Variants in MROH2B observed in about 807,000 individuals in gnomAD.
MROH2B encodes maestro heat-like repeat-containing protein family member 2B.
MROH2B carries 177 observed loss-of-function variants against 208.6 expected under a neutral mutation model. The observed-to-expected ratio is 0.85, with a 90% CI of 0.75 to 0.96. The LOEUF is 0.96. MROH2B is among the 40% of genes least tolerant of loss of function. The pLI is 0.00. For missense variants in MROH2B, 2,002 were observed against 1,878.7 expected, an observed-to-expected ratio of 1.07 and a Z score of -1.21; for synonymous variants, 728 against 659.0, an observed-to-expected ratio of 1.10 and a Z score of -1.60.
At position 41,070,842 on chromosome 5, in the gene MROH2B, C is replaced by T; in HGVS notation, c.11G>A (p.Ser4Asn). 6.2e-7 allele frequency: 1 copy of T among 1,611,190 alleles called. No individual in the cohort carries two copies. Residue 4 changes from serine to asparagine, a missense_variant, in exon 1 of 42, where the codon AGT (serine) becomes AAT (asparagine). Coordinates refer to ENST00000399564, the MANE Select transcript of MROH2B (RefSeq NM_173489.5). The stretch of plus-strand genomic sequence containing the variant: ...ATGCTTACCTATGGATTCCTCTGTA[C>T]TAAGTGTCATGTCTTGGCTGTTTCA... MTL[S>N]TEESIEMFGD...
intron 17 of MROH2B, among the ~76,000 whole-genome samples, chr5:41,047,070 T>C (rs5028626): frequency 4.1e-4 from 3 of 7,372 alleles, no homozygotes; most frequent in African/African-American, 6.4e-4. Context: ...TGCCTTTTAA[T>C]ATAGAAAACC....
chr5:41,005,613 A>G lies in MROH2B; in HGVS notation c.3782T>C (p.Leu1261Pro). ...SMAVWQHGVI[L>P]DIMEQLLSSL... ...TGAGAGCAGCTGTTCCATGATGTCC[A>G]GTATGACTCCGTGTTGCCACACTGC... The change falls in exon 35 of 42, where the codon CTG (leucine) becomes CCG (proline). Residue 1261 changes from leucine to proline, a missense_variant. Transcript: ENST00000399564. The G allele has an allele frequency of 6.2e-7, 1 of 1,612,316 alleles. No individual in the cohort carries two copies. The highest frequency in any genetic ancestry group is 8.5e-7 in the Non-Finnish European group (1 of 1,179,266).
At position 41,057,299 on chromosome 5, in the gene MROH2B, C is replaced by G. The variant is rs1292427174; in HGVS notation, c.818G>C (p.Arg273Thr). 1 of 1,597,066 alleles carries G rather than the reference C, an allele frequency of 6.3e-7. No homozygotes were observed. Among genetic ancestry groups the G allele is most frequent in the Non-Finnish European group, 8.5e-7 (1 of 1,171,060 alleles). ...LYDIGLPRSL[R>T]RSIFINLLQQ... is the part of the protein sequence containing the mutation. ...GAGTAAATTGATAAAGATGGATCTT[C>G]TCAAGCTCCTTGGAAGGCCAATGTC... Residue 273 changes from arginine (R) to threonine (T), a missense_variant, in exon 8 of 42, where the codon AGA becomes ACA. Arg to Thr is a moderately conservative substitution (Grantham distance 71). Transcript: ENST00000399564.
At chr5:41,025,557 A>G (rs1742324054) in intron 24 of MROH2B, among the ~76,000 whole-genome samples, 1 of 152,132 alleles carries the variant, frequency 6.6e-6, no homozygotes, top group Non-Finnish European at 1.5e-5. Flanking sequence ...CTTACCAACC[A>G]AAAAAAGTCC....
At chr5:41,051,616 A>C (rs1315640761) in intron 12 of MROH2B, 1 of 152,160 alleles carries the variant, frequency 6.6e-6, no homozygotes, top group African/African-American at 2.4e-5. Context: ...TTAGGTCATA[A>C]GAGAAAGTCC....
At chr5:40,999,160 C>T (rs867030313) in intron 40 of MROH2B, among the ~76,000 whole-genome samples, 9 of 152,162 alleles carry the variant, frequency 5.9e-5, no homozygotes, top group Non-Finnish European at 1.2e-4. Context: ...TAGAGATTTA[C>T]TTATGTTTTA....
At chr5:41,000,975 C>T (rs1225678622) in intron 37 of MROH2B, 142 bp from the exon 38 acceptor site, 10 of 927,108 alleles carry the variant, frequency 1.1e-5, no homozygotes, top group Non-Finnish European at 1.6e-5. Context: ...GTCACGGCCT[C>T]TAAATGTTCC....
At chr5:41,008,241 A>G (rs1164675420) in intron 33 of MROH2B, among the ~76,000 whole-genome samples, 4 of 152,190 alleles carry the variant, frequency 2.6e-5, no homozygotes, top group African/African-American at 9.7e-5. Flanking sequence ...CTGAAGTCTC[A>G]GAATTTATGA....
chr5:41,070,127 C>T (rs1743941613), intron 1 of MROH2B, among the ~76,000 whole-genome samples: 1 of 152,042 alleles, frequency 6.6e-6, no homozygotes, highest in East Asian at 1.9e-4. Flanking sequence ...AGGGGTGCAA[C>T]ATAGCTGTTT....
In MROH2B at chr5:41,016,944, C is replaced by T. The variant is rs946712482; in HGVS notation, c.2884+906G>A. 9.9e-5 allele frequency among the ~76,000 whole-genome samples: 15 copies of T among 152,204 alleles called. No individual in the cohort carries two copies. In the South Asian group the frequency reaches 2.9e-3, roughly 29 times the overall value. ...TTCTTTTGACTGATTATCTCTTTCC[C>T]CCAACCAAATCCTACCTTTTGGCTT... is the stretch of plus-strand genomic sequence containing the variant. On this transcript the variant is annotated intron_variant, in intron 28 of 41. Coordinates refer to ENST00000399564, the MANE Select transcript of MROH2B (RefSeq NM_173489.5).
chr5:41,061,824 A>C, intron 5 of MROH2B, 100 bp from the exon 6 acceptor site: 1 of 1,290,382 alleles, frequency 7.7e-7, no homozygotes, highest in Non-Finnish European at 1.0e-6. Context: ...GTAAATATGT[A>C]ATGGTTTTTA....
intron 24 of MROH2B, among the ~76,000 whole-genome samples, chr5:41,022,366 C>T (rs974780365): frequency 7.9e-5 from 12 of 152,208 alleles, no homozygotes; most frequent in East Asian, 7.7e-4. Flanking sequence ...CTGTGCTTTT[C>T]GCATGGTCTT....
chr5:41,031,970 G>A (rs968598884), intron 24 of MROH2B, among the ~76,000 whole-genome samples: 3 of 152,002 alleles, frequency 2.0e-5, no homozygotes, highest in Admixed American at 6.6e-5. Context: ...TTATCCAGTC[G>A]ACCATGGATG....
intron 21 of MROH2B, among the ~76,000 whole-genome samples, chr5:41,037,559 C>A (rs962613958): frequency 1.3e-5 from 2 of 152,254 alleles, no homozygotes; most frequent in Non-Finnish European, 2.9e-5. Flanking sequence ...CTGATGACTA[C>A]AATTTCATGA....
intron 15 of MROH2B, among the ~76,000 whole-genome samples, 182 bp downstream of exon 15, chr5:41,048,919 A>G (rs76464841): frequency 0.032 from 4,897 of 152,318 alleles, 82 homozygotes; most frequent in African/African-American, 0.039. Flanking sequence ...CAGAGTGGGA[A>G]GGTAATCATG....
At chr5:41,036,052 AT>A (rs1742746914) in intron 21 of MROH2B, among the ~76,000 whole-genome samples, 1 of 152,064 alleles carries the variant, frequency 6.6e-6, no homozygotes, top group South Asian at 2.1e-4. Flanking sequence ...TCATTGCTTC[AT>A]TATTCACAAT....
chr5:41,067,282 C>A, intron 2 of MROH2B, 64 bp from the exon 3 acceptor site: 1 of 821,428 alleles, frequency 1.2e-6, no homozygotes, highest in Non-Finnish European at 2.1e-6. Flanking sequence ...CAAATGAAAT[C>A]CTAATGAATA....
At chr5:41,017,700 G>C in intron 28 of MROH2B, 150 bp downstream of exon 28, 1 of 769,034 alleles carries the variant, frequency 1.3e-6, no homozygotes, top group South Asian at 2.3e-5. Flanking sequence ...GATGGGGAGG[G>C]GAGAGGAGAG....
At chr5:41,048,516 C>T in intron 15 of MROH2B, 51 bp from the exon 16 acceptor site, 3 of 1,525,422 alleles carry the variant, frequency 2.0e-6, no homozygotes, top group South Asian at 1.3e-5. Context: ...GTTTAAAAGC[C>T]CCACTTATTT....
Sources: allele counts gnomAD v4.1 joint callset (sites outside exome capture counted in the v4.1 genomes callset), GRCh38; gene constraint gnomAD v4.1.1; transcripts MANE v1.5; gene names NCBI Gene and HGNC (gene_info 2026-07-23, HGNC 2026-07-21).